NXPE4: variants seen among roughly 807,000 people sequenced by gnomAD.
NXPE4 encodes the protein NXPE family member 4.
A neutral mutation model predicts 33.3 loss-of-function variants in NXPE4; 42 were observed. The ratio of observed to expected loss-of-function variants is 1.26; its 90% CI spans 0.98 to 1.63. The LOEUF (loss-of-function observed/expected upper bound fraction) is 1.63. Among genes scored for constraint, NXPE4 ranks in the 40% most tolerant of loss-of-function variants. The pLI is 0.00. For missense variants in NXPE4, 709 were observed against 647.6 expected (o/e 1.09, Z -1.03); for synonymous variants, 253 against 234.9 (o/e 1.08, Z -0.71).
intron 2 of NXPE4, among the ~76,000 whole-genome samples, chr11:114,587,962 T>A (rs1278207807): frequency 1.3e-5 from 2 of 152,176 alleles, no homozygotes; most frequent in Non-Finnish European, 2.9e-5. Context: ...AATTAGATAT[T>A]TTCTGTAGAT....
the NXPE4 span, among the ~76,000 whole-genome samples, chr11:114,601,668 ATAT>A: frequency 1.4e-4 from 8 of 56,544 alleles, no homozygotes; most frequent in African/African-American, 6.8e-4. Flanking sequence ...AAATAATTAT[ATAT>A]TATAATTATA....
At chr11:114,571,550 A>T in intron 5 of NXPE4, 77 bp from the exon 6 acceptor site, 4 of 1,249,810 alleles carry the variant, frequency 3.2e-6, no homozygotes, top group Non-Finnish European at 4.4e-6. Flanking sequence ...GATGGAAGAG[A>T]TTTGATTGGT....
the NXPE4 span, among the ~76,000 whole-genome samples, chr11:114,638,556 T>C: frequency 2.0e-5 from 3 of 152,002 alleles, no homozygotes; most frequent in Admixed American, 2.0e-4. Context: ...TTTTAGAGTT[T>C]CCCGTTTTTC....
the NXPE4 span, among the ~76,000 whole-genome samples, chr11:114,624,489 G>A: frequency 6.6e-6 from 1 of 152,080 alleles, no homozygotes; most frequent in Admixed American, 6.5e-5. Flanking sequence ...TTGCCCATGG[G>A]TAAGCCCTGT....
At chr11:114,619,366 A>T in the NXPE4 span, among the ~76,000 whole-genome samples, 1 of 151,338 alleles carries the variant, frequency 6.6e-6, no homozygotes, top group Non-Finnish European at 1.5e-5. Flanking sequence ...GGTAGATAAT[A>T]AGTGTTGCCA....
the NXPE4 span, among the ~76,000 whole-genome samples, chr11:114,611,361 G>A: frequency 2.7e-5 from 4 of 150,308 alleles, no homozygotes; most frequent in Admixed American, 1.3e-4. Context: ...ACTGTTACCC[G>A]GTGGATAATA....
At chr11:114,598,846 A>G (rs1348685509), upstream of NXPE4, among the ~76,000 whole-genome samples, 1 of 151,886 alleles carries the variant, frequency 6.6e-6, no homozygotes, top group African/African-American at 2.4e-5. Flanking sequence ...CCTTCTCCCC[A>G]TTGTCTCCAC....
chr11:114,613,457 C>G, the NXPE4 span, among the ~76,000 whole-genome samples: 1 of 151,820 alleles, frequency 6.6e-6, no homozygotes, highest in African/African-American at 2.4e-5. Context: ...ACCACTGTTA[C>G]CTGCTGCATA....
At chr11:114,661,369 C>G in the NXPE4 span, among the ~76,000 whole-genome samples, 2 of 152,158 alleles carry the variant, frequency 1.3e-5, no homozygotes, top group East Asian at 3.8e-4. Context: ...AGACAGAACA[C>G]TTGTACCACA....
chr11:114,633,313 AATTAT>A, the NXPE4 span, among the ~76,000 whole-genome samples: 1 of 140,636 alleles, frequency 7.1e-6, no homozygotes, highest in Admixed American at 7.4e-5. Flanking sequence ...TAAAATATAT[AATTAT>A]ATTATGTGGT....
the NXPE4 span, among the ~76,000 whole-genome samples, chr11:114,650,763 A>G: frequency 1.4e-3 from 210 of 152,260 alleles, 1 homozygote; most frequent in South Asian, 3.1e-3. Context: ...TTGCCACAAG[A>G]AGGAGGAGCA....
chr11:114,581,750 A>G lies in NXPE4; in HGVS notation c.867T>C (p.Asn289=), dbSNP rs769815002. ...NVGVEIMEKF[N]TISVSKCNKE... is the part of the protein sequence containing the mutation. ...TGTTGCATTTGGAGACACTAATTGT[A>G]TTGAATTTTTCCATAATCTCTACAC... Residue 289 remains asparagine (N), a synonymous_variant, in exon 4 of 6, where the codon AAT becomes AAC. Transcript: ENST00000375478. The G allele has an allele frequency of 6.2e-7, 1 of 1,612,070 alleles. No homozygotes were observed. The highest frequency in any genetic ancestry group is 1.1e-5 in the South Asian group (1 of 90,694).
intron 2 of NXPE4, among the ~76,000 whole-genome samples, chr11:114,588,511 G>A (rs1252120627): frequency 6.6e-6 from 1 of 152,074 alleles, no homozygotes; most frequent in African/African-American, 2.4e-5. Context: ...ATTCAAAGAT[G>A]AGCAATATGT....
the NXPE4 span, among the ~76,000 whole-genome samples, chr11:114,655,814 C>T: frequency 4.9e-3 from 746 of 152,226 alleles, 7 homozygotes; most frequent in African/African-American, 0.017. Flanking sequence ...ATCATAAGAG[C>T]GATTTATGAC....
the NXPE4 span, among the ~76,000 whole-genome samples, chr11:114,620,388 A>G: frequency 6.6e-6 from 1 of 152,066 alleles, no homozygotes; most frequent in Non-Finnish European, 1.5e-5. Context: ...CTCGTGGGTA[A>G]CCACTGTTAC....
the NXPE4 span, among the ~76,000 whole-genome samples, chr11:114,610,667 A>G: frequency 0.01 from 1,551 of 152,046 alleles, 23 homozygotes; most frequent in African/African-American, 0.035. Flanking sequence ...GGTGGATAAT[A>G]CATGTTGCCT....
In NXPE4 at chr11:114,594,666, T is replaced by A. The variant is rs762658104; in HGVS notation, c.94A>T (p.Lys32Ter). 1 of 1,585,572 alleles carries A rather than the reference T, an allele frequency of 6.3e-7. No individual in the cohort carries two copies. The highest frequency in any genetic ancestry group is 1.1e-5 in the South Asian group (1 of 89,006). Residue 32 changes from lysine to a stop codon, truncating the protein, a stop_gained and splice_region_variant, in exon 2 of 6, where the codon AAG (lysine) becomes TAG (stop). Coordinates refer to ENST00000375478, the MANE Select transcript of NXPE4 (RefSeq NM_001077639.2). LOFTEE classifies it high-confidence loss of function. ...IIFTVFQNST[K>*]VWSALNLSIS... ...CACATAAATAAAGCATTTCCTACCT[T>A]TGTGGAGTTCTGGAAAACTGTAAAA...
At chr11:114,610,258 G>A in the NXPE4 span, among the ~76,000 whole-genome samples, 1 of 151,616 alleles carries the variant, frequency 6.6e-6, no homozygotes, top group East Asian at 2.0e-4. Context: ...TTACCCTCTG[G>A]ATAATAGGTG....
At chr11:114,669,405 G>C in the NXPE4 span, among the ~76,000 whole-genome samples, 2 of 151,960 alleles carry the variant, frequency 1.3e-5, no homozygotes, top group Non-Finnish European at 2.9e-5. Context: ...CATCTTCCCT[G>C]ACTTGTCAGT....
Sources: gnomAD v4.1 joint callset for allele counts (sites outside exome capture counted in the v4.1 genomes callset) on GRCh38, gnomAD v4.1.1 for gene constraint, MANE v1.5 for transcripts, NCBI Gene and HGNC (gene_info 2026-07-23, HGNC 2026-07-21) for gene names.